CNTN3: variants seen among roughly 807,000 people sequenced by gnomAD.
CNTN3 encodes the protein contactin 3.
In CNTN3, 60 loss-of-function variants were observed where a neutral mutation model predicts 119.1. The observed-to-expected ratio is 0.50, with a 90% CI of 0.41 to 0.62. The LOEUF (loss-of-function observed/expected upper bound fraction) is 0.62, where lower values mean the gene tolerates loss of function less well. Ranked by LOEUF, CNTN3 falls within the 20% of genes least tolerant of loss-of-function variation. The pLI, the probability that CNTN3 is intolerant of heterozygous loss-of-function variation, is 0.00. For synonymous variants in CNTN3, 450 were observed against 438.7 expected (o/e 1.03, Z -0.32); for missense variants, 1,101 against 1,242.4 (o/e 0.89, Z 1.71).
At chr3:74,298,285 C>G (rs988491042) in intron 17 of CNTN3, 94 bp from the exon 18 acceptor site, 2 of 729,714 alleles carry the variant, frequency 2.7e-6, no homozygotes, top group Non-Finnish European at 4.4e-6. Flanking sequence ...TTGTAAAAGT[C>G]ATCAAATAAT....
intron 1 of CNTN3, among the ~76,000 whole-genome samples, chr3:74,563,019 C>T (rs1441366388): frequency 6.6e-6 from 1 of 152,062 alleles, no homozygotes; most frequent in African/African-American, 2.4e-5. Flanking sequence ...AATTAGATTG[C>T]CTGATTAGCT....
intron 2 of CNTN3, among the ~76,000 whole-genome samples, chr3:74,506,848 T>C (rs1246257312): frequency 6.6e-6 from 1 of 152,164 alleles, no homozygotes; most frequent in East Asian, 1.9e-4. Flanking sequence ...AAGAGTGCAT[T>C]AATCAACTCT....
At chr3:74,478,054 A>G (rs1424581310) in intron 4 of CNTN3, among the ~76,000 whole-genome samples, 4 of 152,270 alleles carry the variant, frequency 2.6e-5, no homozygotes, top group African/African-American at 9.6e-5. Flanking sequence ...TAGGTAAGAG[A>G]TAGTCTATAA....
At chr3:74,533,968 A>T (rs1703727965) in intron 1 of CNTN3, among the ~76,000 whole-genome samples, 1 of 152,024 alleles carries the variant, frequency 6.6e-6, no homozygotes, top group African/African-American at 2.4e-5. Flanking sequence ...ACCCACTGCA[A>T]ACAATTATCC....
chr3:74,558,187 T>C (rs1287928558), intron 1 of CNTN3, among the ~76,000 whole-genome samples: 2 of 152,190 alleles, frequency 1.3e-5, no homozygotes, highest in Non-Finnish European at 2.9e-5. Context: ...TGAAGGGTCA[T>C]TGCAGTCCAG....
chr3:74,496,415 AG>A (rs1468868792), intron 3 of CNTN3, among the ~76,000 whole-genome samples: 16 of 152,238 alleles, frequency 1.1e-4, no homozygotes, highest in Middle Eastern at 3.4e-3. Flanking sequence ...TGATAGGCTT[AG>A]GGTTGAATGA....
chr3:74,363,094 G>A (rs1485371109), intron 10 of CNTN3, among the ~76,000 whole-genome samples: 1 of 152,118 alleles, frequency 6.6e-6, no homozygotes, highest in Non-Finnish European at 1.5e-5. Context: ...TGGCTCATCA[G>A]CTTAATTTAT....
At chr3:74,381,063 T>G (rs113237147) in intron 5 of CNTN3, among the ~76,000 whole-genome samples, 4 of 146,586 alleles carry the variant, frequency 2.7e-5, no homozygotes, top group Non-Finnish European at 6.0e-5. Flanking sequence ...GTTTTTTTTT[T>G]TCTCTCTCTC....
At chr3:74,456,574 T>A (rs1227542410) in intron 4 of CNTN3, among the ~76,000 whole-genome samples, 2 of 152,096 alleles carry the variant, frequency 1.3e-5, no homozygotes, top group African/African-American at 4.8e-5. Flanking sequence ...GATCATCTGT[T>A]CATTTACCAT....
At chr3:74,310,897 G>A (rs1256153673) in intron 13 of CNTN3, among the ~76,000 whole-genome samples, 1 of 152,098 alleles carries the variant, frequency 6.6e-6, no homozygotes, top group African/African-American at 2.4e-5. Flanking sequence ...TCCGCCTTGG[G>A]CAGCTGACCT....
intron 5 of CNTN3, among the ~76,000 whole-genome samples, chr3:74,424,617 T>C (rs1364010378): frequency 6.6e-6 from 1 of 152,204 alleles, no homozygotes; most frequent in Non-Finnish European, 1.5e-5. Context: ...GCAAATGTGA[T>C]CTCTCTTGTC....
At chr3:74,591,050 G>C (rs1337562833) in intron 1 of CNTN3, among the ~76,000 whole-genome samples, 1 of 151,944 alleles carries the variant, frequency 6.6e-6, no homozygotes, top group African/African-American at 2.4e-5. Flanking sequence ...ACAAGCAGAT[G>C]CAAGCATTGG....
chr3:74,342,268 A>AATAACT (rs1703566957), intron 11 of CNTN3, among the ~76,000 whole-genome samples: 1 of 152,170 alleles, frequency 6.6e-6, no homozygotes, highest in Admixed American at 6.5e-5. Context: ...TTATTGGTGA[A>AATAACT]ATAACTGCTT....
intron 8 of CNTN3, among the ~76,000 whole-genome samples, chr3:74,367,809 A>G (rs1053655450): frequency 6.6e-6 from 1 of 152,086 alleles, no homozygotes; most frequent in Non-Finnish European, 1.5e-5. Context: ...TAGAGCTAAA[A>G]ATATTTCTAC....
rs1216583417 is a variant in CNTN3 at position 74,302,701 on chromosome 3, A to G, written c.1775T>C (p.Leu592Pro). 1 of 1,605,944 alleles carries G rather than the reference A, an allele frequency of 6.2e-7. No individual in the cohort carries two copies. Among genetic ancestry groups the G allele is most frequent in the South Asian group, 1.1e-5 (1 of 90,658 alleles). The change falls in exon 14 of 23, where the codon CTC becomes CCC. Residue 592 changes from leucine (L) to proline (P), a missense_variant. Leu to Pro is a moderately conservative substitution (Grantham distance 98). Transcript: ENST00000263665. The stretch of plus-strand genomic sequence containing the variant: ...CATAAATGTTTTACCTCTTACTATG[A>G]GGTCAGCAGCAGATGAAACACTGTC... ...GVDSVSSAAD[L>P]IVRGSPGPPE... is the part of the protein sequence containing the mutation.
intron 1 of CNTN3, among the ~76,000 whole-genome samples, chr3:74,548,051 C>T (rs2107156031): frequency 6.6e-6 from 1 of 152,254 alleles, no homozygotes; most frequent in East Asian, 1.9e-4. Context: ...ATGAACCATC[C>T]ATTCACCATT....
chr3:74,498,975 A>C (rs576527075), intron 3 of CNTN3, among the ~76,000 whole-genome samples: 9 of 151,950 alleles, frequency 5.9e-5, no homozygotes, highest in East Asian at 1.9e-4. Flanking sequence ...GGGTTATTTA[A>C]TAATACAAAT....
At chr3:74,352,053 A>G (rs1703828129) in intron 11 of CNTN3, among the ~76,000 whole-genome samples, 1 of 152,166 alleles carries the variant, frequency 6.6e-6, no homozygotes, top group Non-Finnish European at 1.5e-5. Context: ...TCTGCCTCCA[A>G]TGTTCACCTC....
intron 1 of CNTN3, among the ~76,000 whole-genome samples, chr3:74,573,768 T>TA (rs201652402): frequency 0.063 from 8,851 of 139,848 alleles, 265 homozygotes; most frequent in Non-Finnish European, 0.07. Flanking sequence ...TAGCCGTAAT[T>TA]AAAAAAAAAA....
Sources: gnomAD v4.1 joint callset for allele counts (sites outside exome capture counted in the v4.1 genomes callset) on GRCh38, gnomAD v4.1.1 for gene constraint, MANE v1.5 for transcripts, NCBI Gene and HGNC (gene_info 2026-07-23, HGNC 2026-07-21) for gene names.